SPPL2A: variants seen among roughly 807,000 people sequenced by gnomAD.
SPPL2A encodes the protein signal peptide peptidase like 2A.
SPPL2A carries 51 observed loss-of-function variants against 63.8 expected under a neutral mutation model. The observed-to-expected ratio is 0.80, with a 90% CI of 0.64 to 1.01. The LOEUF is 1.01. SPPL2A is among the 50% of genes least tolerant of loss of function. The pLI, the probability that SPPL2A is intolerant of heterozygous loss-of-function variation, is 0.00. For synonymous variants in SPPL2A, 188 were observed against 205.8 expected (o/e 0.91, Z 0.74); for missense variants, 553 against 622.7 (o/e 0.89, Z 1.19).
At chr15:50,731,937 A>AAAAAAAAAAAC in intron 9 of SPPL2A, among the ~76,000 whole-genome samples, 1 of 126,336 alleles carries the variant, frequency 7.9e-6, no homozygotes, top group Admixed American at 9.1e-5. Flanking sequence ...CAAAAAAAAA[A>AAAAAAAAAAAC]AAAAAACCAA....
intron 12 of SPPL2A, 42 bp downstream of exon 12, chr15:50,725,179 T>C: frequency 6.2e-6 from 7 of 1,127,326 alleles, no homozygotes; most frequent in Non-Finnish European, 9.4e-6. Flanking sequence ...TTTAAAATCA[T>C]CAGTGTTTTT....
chr15:50,739,151 T>C (rs2062797635), intron 6 of SPPL2A, among the ~76,000 whole-genome samples: 1 of 151,668 alleles, frequency 6.6e-6, no homozygotes, highest in Admixed American at 6.6e-5. Context: ...GAAGTGTTCT[T>C]ATCTGAAAAC....
At chr15:50,711,847 CTT>C (rs2062561604) in intron 14 of SPPL2A, among the ~76,000 whole-genome samples, 2 of 152,148 alleles carry the variant, frequency 1.3e-5, no homozygotes. Context: ...CCTGTTTTGT[CTT>C]TGATTATTTC....
chr15:50,720,126 G>A (rs761227393), intron 13 of SPPL2A, 26 bp from the exon 14 acceptor site: 4 of 1,584,116 alleles, frequency 2.5e-6, no homozygotes, highest in Non-Finnish European at 3.4e-6. Flanking sequence ...CAAGCTATAA[G>A]TCATTTCTAC....
At chr15:50,724,795 C>T (rs2062673439) in intron 12 of SPPL2A, among the ~76,000 whole-genome samples, 1 of 152,200 alleles carries the variant, frequency 6.6e-6, no homozygotes, top group East Asian at 1.9e-4. Context: ...CGCAGTCCTA[C>T]AAGCTGGTGT....
intron 1 of SPPL2A, among the ~76,000 whole-genome samples, chr15:50,754,538 G>A (rs980845503): frequency 2.0e-5 from 3 of 152,032 alleles, no homozygotes; most frequent in African/African-American, 7.3e-5. Flanking sequence ...GAATTGTTTG[G>A]TATGCAAATT....
chr15:50,761,292 A>G (rs1186805878), intron 1 of SPPL2A, among the ~76,000 whole-genome samples: 1 of 152,178 alleles, frequency 6.6e-6, no homozygotes, highest in Admixed American at 6.6e-5. Flanking sequence ...AGGAAGACTC[A>G]GGATTCTTCA....
intron 3 of SPPL2A, 70 bp downstream of exon 3, chr15:50,748,618 C>T (rs2062878828): frequency 6.7e-6 from 7 of 1,037,240 alleles, no homozygotes; most frequent in South Asian, 5.2e-5. Context: ...CACACAAAGA[C>T]GTTAATTCCA....
chr15:50,740,831 G>A (rs537327074), intron 5 of SPPL2A, among the ~76,000 whole-genome samples: 2 of 151,998 alleles, frequency 1.3e-5, no homozygotes, highest in African/African-American at 2.4e-5. Context: ...GGCTGGTCTC[G>A]AACTGAGCTC....
At chr15:50,759,497 A>G (rs1201901746) in intron 1 of SPPL2A, among the ~76,000 whole-genome samples, 2 of 152,162 alleles carry the variant, frequency 1.3e-5, no homozygotes. Flanking sequence ...TAATCCCAAC[A>G]TTTTGGGAGG....
rs769698329 is a variant in SPPL2A, at chr15:50,736,675, G to C, written c.799C>G (p.Leu267Val). The C allele has an allele frequency of 3.1e-6, 5 of 1,605,176 alleles. No individual in the cohort carries two copies. In the Admixed American group the frequency reaches 8.4e-5, roughly 27 times the overall value. The change falls in exon 7 of 15, where the codon CTA (leucine) becomes GTA (valine). Residue 267 changes from leucine to valine, a missense_variant. Coordinates refer to ENST00000261854, the MANE Select transcript of SPPL2A (RefSeq NM_032802.4). ...AMSLYNCLAALIHKIPYGQCT... is the reference protein window; with the variant it reads ...AMSLYNCLAAVIHKIPYGQCT... Reference sequence around the variant, plus strand: ...TGTCCATATGGTATCTTATGAATTAGTGCAGCAAGACAGTTGTACAGACTC... The same window carrying C: ...TGTCCATATGGTATCTTATGAATTACTGCAGCAAGACAGTTGTACAGACTC...
intron 5 of SPPL2A, among the ~76,000 whole-genome samples, chr15:50,740,944 A>G (rs1368483638): frequency 6.6e-6 from 1 of 152,064 alleles, no homozygotes; most frequent in East Asian, 1.9e-4. Flanking sequence ...TCTCCTCTCA[A>G]TCAACTTAGC....
rs751404155 is a variant in SPPL2A at position 50,722,188 on chromosome 15, T to G, written c.1263A>C (p.Ala421=). 3.1e-6 allele frequency: 5 copies of G among 1,590,618 alleles called. No individual in the cohort carries two copies. In the East Asian group the frequency reaches 1.1e-4, roughly 36 times the overall value. The change falls in exon 13 of 15, where the codon GCA becomes GCC. Residue 421 remains alanine, a synonymous_variant. Coordinates refer to ENST00000261854, the MANE Select transcript of SPPL2A (RefSeq NM_032802.4). The part of the protein sequence containing the change: ...GDIIVPGLLI[A]YCRRFDVQTG... ...TCTGAACATCAAATCTTCTACAGTA[T>G]GCAATCAACAGGCCTTAAAAACAAA...
chr15:50,740,002 T>C (rs1411224803), intron 5 of SPPL2A, among the ~76,000 whole-genome samples, 174 bp from the exon 6 acceptor site: 1 of 152,178 alleles, frequency 6.6e-6, no homozygotes, highest in Admixed American at 6.5e-5. Context: ...GTAATGTACT[T>C]TTTAAAAACT....
intron 14 of SPPL2A, among the ~76,000 whole-genome samples, chr15:50,711,206 CTTT>C (rs1302695528): frequency 5.2e-5 from 6 of 115,590 alleles, no homozygotes; most frequent in African/African-American, 4.4e-5. Context: ...AATTAGTATC[CTTT>C]TTTTTTTTTT....
At chr15:50,731,135 C>T (rs2062727295) in intron 9 of SPPL2A, 96 bp from the exon 10 acceptor site, 2 of 574,956 alleles carry the variant, frequency 3.5e-6, no homozygotes, top group Non-Finnish European at 6.3e-6. Flanking sequence ...TATGAATATA[C>T]ATTTAAATAT....
chr15:50,748,315 T>C, intron 3 of SPPL2A, 113 bp from the exon 4 acceptor site: 1 of 481,182 alleles, frequency 2.1e-6, no homozygotes, highest in Non-Finnish European at 3.5e-6. Context: ...AGACAAAATT[T>C]CAGGTATTCT....
rs2062520518 is a variant in SPPL2A at position 50,707,589 on chromosome 15, A to T, written c.*211T>A. The T allele has an allele frequency of 5.7e-6, 3 of 526,910 alleles. No homozygotes were observed. In the South Asian group the frequency reaches 8.2e-5, roughly 14 times the overall value. 32.6% of individuals were successfully genotyped at this position (526,910 alleles called of 1,614,324 possible). A position where few individuals can be genotyped will look rare whatever the true frequency, so the allele number is the denominator to read the frequency against. ...ACATCTCGGAAACTACACAGACCAT[A>T]TGTTTTATTTAATGTGAAGGCACAA... On this transcript the variant is annotated 3_prime_UTR_variant, in exon 15 of 15. Coordinates refer to ENST00000261854, the MANE Select transcript of SPPL2A (RefSeq NM_032802.4).
intron 1 of SPPL2A, among the ~76,000 whole-genome samples, chr15:50,757,084 C>T (rs2062963829): frequency 9.3e-6 from 1 of 107,346 alleles, no homozygotes; most frequent in Admixed American, 8.5e-5. Flanking sequence ...CATCCTAAAT[C>T]CTTTCTTTTT....
Sources: allele counts gnomAD v4.1 joint callset (sites outside exome capture counted in the v4.1 genomes callset), GRCh38; gene constraint gnomAD v4.1.1; transcripts MANE v1.5; gene names NCBI Gene and HGNC (gene_info 2026-07-23, HGNC 2026-07-21).